EPB41L3: variants seen among roughly 807,000 people sequenced by gnomAD.
EPB41L3 encodes the protein erythrocyte membrane protein band 4.1 like 3, also known as band 4.1-like protein 3.
EPB41L3 carries 57 observed loss-of-function variants against 127.1 expected under a neutral mutation model. That is an observed-to-expected ratio of 0.45 (90% confidence interval 0.36 to 0.56). The LOEUF is 0.56. Among genes scored for constraint, EPB41L3 ranks in the 20% least tolerant of loss-of-function variants. EPB41L3 has a pLI of 0.00. For missense variants in EPB41L3, 1,273 were observed against 1,372.2 expected, an observed-to-expected ratio of 0.93 and a Z score of 1.14; for synonymous variants, 572 against 549.5, an observed-to-expected ratio of 1.04 and a Z score of -0.57.
chr18:5,456,732 T>C (rs970617698), intron 3 of EPB41L3, among the ~76,000 whole-genome samples: 1 of 152,254 alleles, frequency 6.6e-6, no homozygotes, highest in Non-Finnish European at 1.5e-5. Context: ...AACATTCCTC[T>C]ATCAGGGCAT....
chr18:5,486,834 T>C (rs961372038), intron 2 of EPB41L3, among the ~76,000 whole-genome samples: 1 of 152,180 alleles, frequency 6.6e-6, no homozygotes, highest in Non-Finnish European at 1.5e-5. Context: ...TAATAGATGC[T>C]GGCAAGGATG....
At chr18:5,493,796 A>T (rs2090869134) in intron 1 of EPB41L3, among the ~76,000 whole-genome samples, 1 of 152,040 alleles carries the variant, frequency 6.6e-6, no homozygotes, top group Non-Finnish European at 1.5e-5. Flanking sequence ...AATTCTAGTA[A>T]CTTCGCTAAG....
chr18:5,494,098 A>G (rs2090900382), intron 1 of EPB41L3, among the ~76,000 whole-genome samples: 1 of 152,192 alleles, frequency 6.6e-6, no homozygotes. Context: ...AGATCCATAA[A>G]TACAACTCTT....
At position 5,423,922 on chromosome 18, in the gene EPB41L3, G is replaced by A. The variant is rs566028595; in HGVS notation, c.1163+340C>T. 2.6e-5 allele frequency among the ~76,000 whole-genome samples: 4 copies of A among 152,272 alleles called. No individual in the cohort carries two copies. The South Asian group carries it at 8.3e-4, about 32-fold the overall frequency. On this transcript the variant is annotated intron_variant, in intron 10 of 22. Transcript: ENST00000341928. The stretch of plus-strand genomic sequence containing the variant: ...TGGGTCTCGTACCATGCATAGGTAG[G>A]TAAAGGGATTCAGGGTATTGAGAAA...
At chr18:5,560,955 ATTTATTTAT>A (rs1227002512) in intron 3 of EPB41L3, among the ~76,000 whole-genome samples, 1 of 116,296 alleles carries the variant, frequency 8.6e-6, no homozygotes, top group South Asian at 2.8e-4. Flanking sequence ...TTATTTATTT[ATTTATTTAT>A]TTATTTATTT....
intron 19 of EPB41L3, 52 bp from the exon 20 acceptor site, chr18:5,395,759 C>T: frequency 7.2e-7 from 1 of 1,387,830 alleles, no homozygotes; most frequent in Non-Finnish European, 1.0e-6. Flanking sequence ...ATCTGCTCTT[C>T]AGAAGTTGGC....
Position 5,582,808 on chromosome 18 carries a change from A to G in EPB41L3, c.-306+29532T>C, listed in dbSNP as rs1488117894. Among the ~76,000 whole-genome samples the G allele has an allele frequency of 5.9e-5, 9 of 152,240 alleles. No homozygotes were observed. The East Asian group carries it at 1.5e-3, about 26-fold the overall frequency. ...TATTTTAACCTCTCATAAAAATTTA[A>G]ATATCCCATGGAATGACAGGGGCTG... On this transcript the variant is annotated intron_variant, in intron 3 of 21. Coordinates refer to the EPB41L3 transcript ENST00000545076.
At chr18:5,484,153 CT>C (rs1406648260) in intron 2 of EPB41L3, among the ~76,000 whole-genome samples, 1 of 115,392 alleles carries the variant, frequency 8.7e-6, no homozygotes, top group African/African-American at 3.2e-5. Context: ...AGTATCTTTC[CT>C]GACCACAATG....
At chr18:5,630,445 C>G (rs1171023793), upstream of EPB41L3, 2 of 518,958 alleles carry the variant, frequency 3.9e-6, no homozygotes, top group Non-Finnish European at 7.7e-6. Context: ...CACAACCTTC[C>G]TTGGAGAAAA....
intron 9 of EPB41L3, among the ~76,000 whole-genome samples, chr18:5,425,876 G>A (rs181599276): frequency 1.3e-5 from 2 of 152,162 alleles, no homozygotes; most frequent in Non-Finnish European, 2.9e-5. Flanking sequence ...AACACACCTG[G>A]CAGGTGCTCC....
At chr18:5,430,651 C>T (rs1190966355) in intron 8 of EPB41L3, among the ~76,000 whole-genome samples, 4 of 151,644 alleles carry the variant, frequency 2.6e-5, no homozygotes, top group African/African-American at 9.7e-5. Flanking sequence ...CACCCTCCAC[C>T]TCCAGGGGCT....
At position 5,419,865 on chromosome 18, in the gene EPB41L3, C is replaced by T; in HGVS notation, c.1352G>A (p.Gly451Asp). Residue 451 changes from glycine (G) to aspartate (D), a missense_variant, in exon 12 of 23, where the codon GGC becomes GAC. Gly to Asp is a moderately conservative substitution (Grantham distance 94). Transcript: ENST00000341928. ...GATGCCTTTTGTTGTGGCGTACTGGCCAGTACCAACCTCTGCAGCAGACAT... is the reference window on the plus strand; with the variant it reads ...GATGCCTTTTGTTGTGGCGTACTGGTCAGTACCAACCTCTGCAGCAGACAT... ...SRSLDGEVGT[G>D]QYATTKGISQ... 6.2e-7 allele frequency: 1 copy of T among 1,614,166 alleles called. No homozygotes were observed. Among genetic ancestry groups the T allele is most frequent in the Non-Finnish European group, 8.5e-7 (1 of 1,180,032 alleles).
intron 3 of EPB41L3, among the ~76,000 whole-genome samples, chr18:5,598,499 G>A (rs150284304): frequency 6.6e-6 from 1 of 152,110 alleles, no homozygotes; most frequent in East Asian, 1.9e-4. Flanking sequence ...AATATTATTA[G>A]TTTTCATGTT....
At chr18:5,494,732 C>T (rs1488715431) in intron 1 of EPB41L3, among the ~76,000 whole-genome samples, 1 of 145,256 alleles carries the variant, frequency 6.9e-6, no homozygotes, top group Non-Finnish European at 1.5e-5. Context: ...GGATTCCAAT[C>T]AAGCAAAAGC....
chr18:5,569,674 CT>C (rs2094252352), intron 3 of EPB41L3, among the ~76,000 whole-genome samples: 1 of 152,214 alleles, frequency 6.6e-6, no homozygotes, highest in African/African-American at 2.4e-5. Context: ...AGACAGCTTT[CT>C]ACAGCTACTT....
At chr18:5,516,903 C>T (rs903728684) in intron 1 of EPB41L3, among the ~76,000 whole-genome samples, 1 of 152,110 alleles carries the variant, frequency 6.6e-6, no homozygotes, top group Non-Finnish European at 1.5e-5. Context: ...TTCCATTTTC[C>T]ACAGAAATTG....
intron 3 of EPB41L3, among the ~76,000 whole-genome samples, chr18:5,448,285 T>C (rs1193664267): frequency 6.6e-6 from 1 of 152,186 alleles, no homozygotes; most frequent in Non-Finnish European, 1.5e-5. Context: ...AGGTGGGACA[T>C]GACATGAAAC....
chr18:5,560,776 T>C (rs1263406364), intron 3 of EPB41L3, among the ~76,000 whole-genome samples: 1 of 152,004 alleles, frequency 6.6e-6, no homozygotes, highest in East Asian at 1.9e-4. Context: ...AGGCTTTATT[T>C]TGGGGGGTGG....
rs1026850429 is a variant in EPB41L3, at chr18:5,570,277, C to T, written c.-306+42063G>A. ...ATGGTCTGTGGCTTCATCTGACTTT[C>T]CCTCTGAGTAAGAAGGACATGCTGT... On this transcript the variant is annotated intron_variant, in intron 3 of 21. Coordinates refer to the EPB41L3 transcript ENST00000545076. 2.0e-5 allele frequency: 3 copies of T among 152,272 alleles called. No individual in the cohort carries two copies. In the East Asian group the frequency reaches 5.8e-4, roughly 29 times the overall value. The allele number at this position is 152,272 out of a possible 1,614,324, so 9.4% of individuals were successfully genotyped here. A position where few individuals can be genotyped will look rare whatever the true frequency, so the allele number is the denominator to read the frequency against.
Sources: gnomAD v4.1 joint callset for allele counts (sites outside exome capture counted in the v4.1 genomes callset) on GRCh38, gnomAD v4.1.1 for gene constraint, MANE v1.5 for transcripts, NCBI Gene and HGNC (gene_info 2026-07-23, HGNC 2026-07-21) for gene names.